Variants in PTPRM observed in about 807,000 individuals in gnomAD.
PTPRM encodes the protein receptor-type tyrosine-protein phosphatase mu.
A neutral mutation model predicts 186.7 loss-of-function variants in PTPRM; 47 were observed. The ratio of observed to expected loss-of-function variants is 0.25; its 90% confidence interval spans 0.20 to 0.32. The LOEUF (loss-of-function observed/expected upper bound fraction) is 0.32. Ranked by LOEUF, PTPRM falls within the 10% of genes least tolerant of loss-of-function variation. The pLI is 1.00. For missense variants in PTPRM, 1,494 were observed against 1,865.0 expected (o/e 0.80, Z 3.66); for synonymous variants, 668 against 674.9 (o/e 0.99, Z 0.16).
chr18:8,260,275 C>T (rs938625120), intron 19 of PTPRM, among the ~76,000 whole-genome samples: 7 of 151,966 alleles, frequency 4.6e-5, no homozygotes, highest in Admixed American at 1.3e-4. Flanking sequence ...GAAATCATCC[C>T]ACTCAGCCTC....
chr18:8,376,778 A>G lies in PTPRM; in HGVS notation c.3462+181A>G, dbSNP rs913896320. 3.0e-5 allele frequency: 22 copies of G among 729,138 alleles called. No individual in the cohort carries two copies. The African/African-American group carries it at 4.0e-4, about 13-fold the overall frequency. 45.2% of individuals were successfully genotyped at this position (729,138 alleles called of 1,614,324 possible). ...CCTTTTTGTTTTTCCTCTCATAAAC[A>G]AACCAAACAAACCCAGGAGTTTTCC... On this transcript the variant is annotated intron_variant, in intron 26 of 32. Transcript: ENST00000580170.
At chr18:7,877,692 G>A (rs910962474) in intron 2 of PTPRM, among the ~76,000 whole-genome samples, 1 of 152,166 alleles carries the variant, frequency 6.6e-6, no homozygotes, top group African/African-American at 2.4e-5. Flanking sequence ...CCTAATTCAG[G>A]TTGTTTGGCT....
At chr18:7,815,591 A>G (rs1358698298) in intron 2 of PTPRM, 1 of 152,210 alleles carries the variant, frequency 6.6e-6, no homozygotes, top group Admixed American at 6.5e-5. Context: ...GTTGAGGTGG[A>G]AAGATCGCTC....
At chr18:7,917,067 A>G (rs2050602561) in intron 4 of PTPRM, among the ~76,000 whole-genome samples, 2 of 152,144 alleles carry the variant, frequency 1.3e-5, no homozygotes, top group South Asian at 2.1e-4. Flanking sequence ...TTATCACTTA[A>G]CATCATGTAT....
chr18:8,242,046 A>G (rs1341904986), intron 14 of PTPRM, among the ~76,000 whole-genome samples: 2 of 152,170 alleles, frequency 1.3e-5, no homozygotes, highest in African/African-American at 4.8e-5. Context: ...TTATTGGCAC[A>G]TATATCCCTC....
chr18:7,896,973 A>G (rs756314387), intron 3 of PTPRM, among the ~76,000 whole-genome samples: 1 of 152,340 alleles, frequency 6.6e-6, no homozygotes, highest in Middle Eastern at 3.4e-3. Flanking sequence ...CTACAAAGCC[A>G]TGTAAAGCCA....
intron 1 of PTPRM, among the ~76,000 whole-genome samples, chr18:7,763,957 T>A (rs554126560): frequency 2.1e-4 from 32 of 152,274 alleles, no homozygotes; most frequent in African/African-American, 7.5e-4. Flanking sequence ...TTCTTTTTTT[T>A]TTTTTTAATT....
intron 6 of PTPRM, among the ~76,000 whole-genome samples, chr18:7,954,801 A>G (rs1251385246): frequency 6.6e-6 from 1 of 152,134 alleles, no homozygotes; most frequent in African/African-American, 2.4e-5. Context: ...TCTTGAGAAT[A>G]TTTTCTGTAT....
intron 19 of PTPRM, among the ~76,000 whole-genome samples, chr18:8,282,509 A>G (rs2094914602): frequency 6.6e-6 from 1 of 152,112 alleles, no homozygotes; most frequent in Non-Finnish European, 1.5e-5. Flanking sequence ...CTAAAATACA[A>G]AAATTAGCTG....
At chr18:7,845,223 A>T (rs1455588488) in intron 2 of PTPRM, among the ~76,000 whole-genome samples, 1 of 152,206 alleles carries the variant, frequency 6.6e-6, no homozygotes. Flanking sequence ...TAGAAAAAGT[A>T]TGCATTCCAA....
chr18:7,789,658 C>T (rs2043244406), intron 2 of PTPRM, among the ~76,000 whole-genome samples: 1 of 152,128 alleles, frequency 6.6e-6, no homozygotes, highest in Non-Finnish European at 1.5e-5. Context: ...AGCCAGAAGT[C>T]GCTATCTGCC....
In PTPRM at chr18:7,674,394, A is replaced by C. The variant is rs1320587768; in HGVS notation, c.74-99755A>C. ...ACTTTGAGATAGGTAGGTTTGTGAG[A>C]GGGGAGCTGAAGGAGTTTTACTGCT... On this transcript the variant is annotated intron_variant, in intron 1 of 32. Coordinates refer to ENST00000580170, the MANE Select transcript of PTPRM (RefSeq NM_001105244.2). Among the ~76,000 whole-genome samples the C allele has an allele frequency of 3.3e-5, 5 of 152,098 alleles. No homozygotes were observed. The East Asian group carries it at 7.7e-4, about 23-fold the overall frequency.
intron 1 of PTPRM, among the ~76,000 whole-genome samples, chr18:7,661,155 AT>A (rs1320588352): frequency 6.6e-6 from 1 of 152,160 alleles, no homozygotes; most frequent in African/African-American, 2.4e-5. Context: ...CAATTTACAG[AT>A]TTTTTTAAAA....
At position 7,989,997 on chromosome 18, in the gene PTPRM, G is replaced by A. The variant is rs192953446; in HGVS notation, c.1132+34583G>A. ...CGGCTCACTGTAACCTCCGCCTCCCGGGTTCAAGTGAGTCTCATGCCTCAG... is the reference window on the plus strand; with the variant it reads ...CGGCTCACTGTAACCTCCGCCTCCCAGGTTCAAGTGAGTCTCATGCCTCAG... On this transcript the variant is annotated intron_variant, in intron 7 of 32. Coordinates refer to ENST00000580170, the MANE Select transcript of PTPRM (RefSeq NM_001105244.2). 5.2e-3 allele frequency among the ~76,000 whole-genome samples: 785 copies of A among 152,192 alleles called. 1 individual carries two copies. The highest frequency in any genetic ancestry group is 8.6e-3 in the Non-Finnish European group (587 of 68,020).
chr18:7,959,644 C>T (rs555117903), intron 7 of PTPRM, among the ~76,000 whole-genome samples: 5 of 152,174 alleles, frequency 3.3e-5, no homozygotes, highest in Non-Finnish European at 5.9e-5. Context: ...CACAAGCTCT[C>T]CATGCAAGAC....
chr18:7,693,332 C>T (rs2039775872), intron 1 of PTPRM, among the ~76,000 whole-genome samples: 1 of 152,164 alleles, frequency 6.6e-6, no homozygotes, highest in Non-Finnish European at 1.5e-5. Context: ...ACATAGGGCT[C>T]ATTTGATGTA....
chr18:7,778,826 A>G (rs1241196791), intron 2 of PTPRM, among the ~76,000 whole-genome samples: 2 of 152,160 alleles, frequency 1.3e-5, no homozygotes, highest in African/African-American at 2.4e-5. Context: ...TTACTATTTG[A>G]ACACAAAAAT....
chr18:8,067,572 T>C (rs954233136), intron 7 of PTPRM, among the ~76,000 whole-genome samples: 1 of 152,208 alleles, frequency 6.6e-6, no homozygotes, highest in Admixed American at 6.5e-5. Context: ...GCAGCAGATA[T>C]CTGGTAAATG....
intron 2 of PTPRM, among the ~76,000 whole-genome samples, chr18:7,834,992 C>CTTTTTTTTTTTTTTTTTTTTTTTTT (rs57839485): frequency 1.2e-5 from 1 of 85,268 alleles, no homozygotes; most frequent in Non-Finnish European, 2.3e-5. Flanking sequence ...TTATTTGGAT[C>CTTTTTTTTTTTTTTTTTTTTTTTTT]TTTTTTTTTT....
Sources: gnomAD v4.1 joint callset for allele counts (sites outside exome capture counted in the v4.1 genomes callset) on GRCh38, gnomAD v4.1.1 for gene constraint, MANE v1.5 for transcripts, NCBI Gene and HGNC (gene_info 2026-07-23, HGNC 2026-07-21) for gene names.